CGNL1: variants seen among roughly 807,000 people sequenced by gnomAD.
The protein encoded by CGNL1 is cingulin like 1, also known as cingulin-like protein 1.
A neutral mutation model predicts 141.2 loss-of-function variants in CGNL1; 132 were observed. The ratio of observed to expected loss-of-function variants is 0.93; its 90% CI spans 0.81 to 1.08. The LOEUF is 1.08. CGNL1 is among the 50% of genes least tolerant of loss of function. The probability of loss-of-function intolerance (pLI) is 0.00; values close to 1 mark genes in which losing one functional copy is unlikely to be tolerated. For missense variants in CGNL1, 1,870 were observed against 1,588.6 expected, an observed-to-expected ratio of 1.18 and a Z score of -3.01; for synonymous variants, 690 against 622.1, an observed-to-expected ratio of 1.11 and a Z score of -1.63.
At chr15:57,503,477 G>T (rs1438677279) in intron 8 of CGNL1, among the ~76,000 whole-genome samples, 1 of 152,206 alleles carries the variant, frequency 6.6e-6, no homozygotes, top group Non-Finnish European at 1.5e-5. Flanking sequence ...GCAACCTGAA[G>T]CTCAGAGTGG....
chr15:57,397,732 T>C (rs1019782396), intron 1 of CGNL1, among the ~76,000 whole-genome samples: 1 of 152,078 alleles, frequency 6.6e-6, no homozygotes, highest in Non-Finnish European at 1.5e-5. Flanking sequence ...TCTTCATTAC[T>C]ATTTTATTAT....
chr15:57,401,920 A>G (rs574931115), intron 1 of CGNL1: 2 of 152,266 alleles, frequency 1.3e-5, no homozygotes, highest in East Asian at 3.9e-4. Flanking sequence ...GCTTGTGGAA[A>G]GGTTCTAGGG....
At chr15:57,478,887 C>T (rs1396180805) in intron 8 of CGNL1, among the ~76,000 whole-genome samples, 1 of 152,226 alleles carries the variant, frequency 6.6e-6, no homozygotes, top group Non-Finnish European at 1.5e-5. Flanking sequence ...GGTTCTCCCA[C>T]CTCTGCCTCC....
chr15:57,523,136 GTTGTAATGTATAAC>G (rs1269122596), intron 10 of CGNL1, among the ~76,000 whole-genome samples: 6 of 152,240 alleles, frequency 3.9e-5, no homozygotes, highest in Admixed American at 3.9e-4. Flanking sequence ...GGTTTAGATT[GTTGTAATGTATAAC>G]TTGACCTCGA....
chr15:57,477,360 C>T (rs186418016), intron 8 of CGNL1: 11 of 152,222 alleles, frequency 7.2e-5, no homozygotes, highest in African/African-American at 2.4e-4. Flanking sequence ...GACAGTGCAA[C>T]GAAGACTTAG....
At chr15:57,403,288 C>G (rs2062679849) in intron 1 of CGNL1, among the ~76,000 whole-genome samples, 1 of 152,152 alleles carries the variant, frequency 6.6e-6, no homozygotes, top group Non-Finnish European at 1.5e-5. Flanking sequence ...ATGCTGGTTT[C>G]CCGGAAGCAT....
chr15:57,412,155 A>T (rs2062796121), intron 1 of CGNL1, among the ~76,000 whole-genome samples: 1 of 152,184 alleles, frequency 6.6e-6, no homozygotes, highest in Non-Finnish European at 1.5e-5. Flanking sequence ...GATGTGCCTG[A>T]AAGTCACTCC....
intron 8 of CGNL1, among the ~76,000 whole-genome samples, chr15:57,508,656 A>G (rs564182816): frequency 1.3e-3 from 200 of 152,342 alleles, no homozygotes; most frequent in Non-Finnish European, 1.5e-3. Context: ...TGAGAATCCT[A>G]CCAAGAAGCA....
intron 14 of CGNL1, among the ~76,000 whole-genome samples, chr15:57,537,743 C>T (rs2032340203): frequency 6.6e-6 from 1 of 152,178 alleles, no homozygotes; most frequent in South Asian, 2.1e-4. Flanking sequence ...ACATAAAACC[C>T]ACTGGAATCT....
intron 4 of CGNL1, among the ~76,000 whole-genome samples, chr15:57,444,182 T>C (rs1275813995): frequency 1.3e-5 from 2 of 152,196 alleles, no homozygotes; most frequent in Non-Finnish European, 2.9e-5. Context: ...TTGACTTTTA[T>C]ATAAATTTTC....
chr15:57,545,578 C>T lies in CGNL1; in HGVS notation c.3501-14C>T, dbSNP rs760753066. The T allele has an allele frequency of 1.2e-5, 19 of 1,607,944 alleles. No homozygotes were observed. The East Asian group carries it at 4.0e-4, about 34-fold the overall frequency. Reference sequence around the variant, plus strand: ...GGAGTGAGAGGGTTCTTGGTTCTGTCTCCCCTCTTCCAGGGATCGGGCCAA... The same window carrying T: ...GGAGTGAGAGGGTTCTTGGTTCTGTTTCCCCTCTTCCAGGGATCGGGCCAA... On this transcript the variant is annotated splice_polypyrimidine_tract_variant and intron_variant, in intron 16 of 18. Transcript: ENST00000281282.
At chr15:57,410,818 T>A (rs1203047240) in intron 1 of CGNL1, among the ~76,000 whole-genome samples, 4 of 152,200 alleles carry the variant, frequency 2.6e-5, no homozygotes, top group African/African-American at 9.7e-5. Context: ...TTCTTTTCTC[T>A]CTTGCTAAAA....
chr15:57,518,881 T>C (rs1190279481), intron 10 of CGNL1, among the ~76,000 whole-genome samples: 35 of 152,316 alleles, frequency 2.3e-4, no homozygotes, highest in African/African-American at 8.2e-4. Flanking sequence ...CTTGACAGCT[T>C]TCCAAAGATA....
intron 1 of CGNL1, among the ~76,000 whole-genome samples, chr15:57,391,716 T>C (rs879781000): frequency 1.3e-5 from 2 of 152,214 alleles, no homozygotes; most frequent in Non-Finnish European, 2.9e-5. Context: ...GTCTGGGCTG[T>C]TGGGGGAGTT....
chr15:57,381,246 G>T (rs1483357156), intron 1 of CGNL1, among the ~76,000 whole-genome samples: 1 of 152,110 alleles, frequency 6.6e-6, no homozygotes, highest in African/African-American at 2.4e-5. Flanking sequence ...GGCCCAAGGA[G>T]GTGCTGAATC....
At chr15:57,461,180 T>C (rs1293873991) in intron 7 of CGNL1, among the ~76,000 whole-genome samples, 1 of 152,136 alleles carries the variant, frequency 6.6e-6, no homozygotes, top group Non-Finnish European at 1.5e-5. Context: ...AATATTGTGC[T>C]CTGCTCAGAT....
At chr15:57,401,727 T>G (rs966994685) in intron 1 of CGNL1, among the ~76,000 whole-genome samples, 2 of 152,206 alleles carry the variant, frequency 1.3e-5, no homozygotes, top group Non-Finnish European at 2.9e-5. Flanking sequence ...TTATGACGCA[T>G]TCTGTGGTAA....
intron 9 of CGNL1, among the ~76,000 whole-genome samples, chr15:57,517,767 A>G (rs768282847): frequency 6.6e-5 from 10 of 152,210 alleles, no homozygotes; most frequent in Admixed American, 1.3e-4. Context: ...GTTTGAGCCC[A>G]TTCATAAGGG....
At chr15:57,443,820 G>T (rs770703805) in intron 4 of CGNL1, among the ~76,000 whole-genome samples, 1 of 152,160 alleles carries the variant, frequency 6.6e-6, no homozygotes, top group Non-Finnish European at 1.5e-5. Flanking sequence ...CTGCATACAG[G>T]CTATGCAGGG....
Sources: allele counts gnomAD v4.1 joint callset (sites outside exome capture counted in the v4.1 genomes callset), GRCh38; gene constraint gnomAD v4.1.1; transcripts MANE v1.5; gene names NCBI Gene and HGNC (gene_info 2026-07-23, HGNC 2026-07-21).